The following SCRT2 variants were observed in gnomAD, a reference collection of about 807,000 sequenced individuals.
SCRT2 encodes transcriptional repressor scratch 2.
In SCRT2, 2 loss-of-function variants were observed where a neutral mutation model predicts 3.7. That is an observed-to-expected ratio of 0.54 (90% confidence interval 0.22 to 1.70). The LOEUF is 1.70. SCRT2 is among the 40% of genes most tolerant of loss of function. The probability of loss-of-function intolerance (pLI) is 0.19; values close to 1 mark genes in which losing one functional copy is unlikely to be tolerated. For synonymous variants in SCRT2, 256 were observed against 220.6 expected (o/e 1.16, Z -1.42); for missense variants, 456 against 468.5 (o/e 0.97, Z 0.25).
At chr20:668,215 T>A (rs1984218145) in intron 1 of SCRT2, among the ~76,000 whole-genome samples, 1 of 152,162 alleles carries the variant, frequency 6.6e-6, no homozygotes, top group African/African-American at 2.4e-5. Context: ...CCTTCTAATC[T>A]GCCAGAGAGT....
intron 1 of SCRT2, among the ~76,000 whole-genome samples, chr20:668,555 C>T (rs1291158635): frequency 6.6e-6 from 1 of 152,030 alleles, no homozygotes; most frequent in Non-Finnish European, 1.5e-5. Flanking sequence ...TTGGGTAAGT[C>T]GCATAACTTA....
In SCRT2 at chr20:675,368, T is replaced by G; in HGVS notation, c.133+101A>C. ...GGCCAGAGAGATCTCCTCCCGGGGG[T>G]TTCCTGTCGCACGCGCCCCTCCTCG... is the stretch of plus-strand genomic sequence containing the variant. On this transcript the variant is annotated intron_variant, in intron 1 of 1. Transcript: ENST00000246104. This position sits in a 1 kb window ranked among gnomAD's most constrained non-coding sequence, Gnocchi z 6.9. 1 of 1,023,936 alleles carries G rather than the reference T, an allele frequency of 9.8e-7. No individual in the cohort carries two copies. Among genetic ancestry groups the G allele is most frequent in the Non-Finnish European group, 1.3e-6 (1 of 791,414 alleles). The allele number at this position is 1,023,936 out of a possible 1,614,324, so 63.4% of individuals were successfully genotyped here.
rs1984150488 is a variant in SCRT2 at position 666,212 on chromosome 20, T to C, written c.134-1751A>G. Reference sequence around the variant, plus strand: ...TAGTGATAGTGGCAATTTTTTAATCTGGGGAGAGGAGATGCCCAGCCTCTC... The same window carrying C: ...TAGTGATAGTGGCAATTTTTTAATCCGGGGAGAGGAGATGCCCAGCCTCTC... On this transcript the variant is annotated intron_variant, in intron 1 of 1. Coordinates refer to ENST00000246104, the MANE Select transcript of SCRT2 (RefSeq NM_033129.4). This position sits in a 1 kb window ranked among gnomAD's most constrained non-coding sequence, Gnocchi z 4.4. Among the ~76,000 whole-genome samples, 1 of 152,080 alleles carries C rather than the reference T, an allele frequency of 6.6e-6. No individual in the cohort carries two copies. The highest frequency in any genetic ancestry group is 6.5e-5 in the Admixed American group (1 of 15,282).
At chr20:670,101 GC>G (rs1036024063) in intron 1 of SCRT2, among the ~76,000 whole-genome samples, 46 of 152,342 alleles carry the variant, frequency 3.0e-4, no homozygotes, top group Admixed American at 7.8e-4. Flanking sequence ...AATTCCTGTG[GC>G]CTACAGGGAG....
rs1984121842 is a variant in SCRT2 at position 665,292 on chromosome 20, A to G, written c.134-831T>C. Among the ~76,000 whole-genome samples the G allele has an allele frequency of 6.6e-6, 1 of 152,212 alleles. No individual in the cohort carries two copies. On this transcript the variant is annotated intron_variant, in intron 1 of 1. Transcript: ENST00000246104. This position sits in a 1 kb window ranked among gnomAD's most constrained non-coding sequence, Gnocchi z 5.0. ...CTGGCTCAAAGTAGGTGTGCGATGA[A>G]TAGATGTTGCATGAAGGAATCACAA... is the stretch of plus-strand genomic sequence containing the variant.
In SCRT2 at chr20:663,010, G is replaced by GGT. The variant is rs377620377; in HGVS notation, c.*659_*660dup. ...ACTGTGTGTGGGAGTGGGGTGTGGG[G>GGT]GTGTGTGTGTGTGTGAATGGCCAGA... On this transcript the variant is annotated 3_prime_UTR_variant, in exon 2 of 2. Coordinates refer to ENST00000246104, the MANE Select transcript of SCRT2 (RefSeq NM_033129.4). This position sits in a 1 kb window ranked among gnomAD's most constrained non-coding sequence, Gnocchi z 6.9. 4.4e-4 allele frequency: 67 copies of GGT among 151,584 alleles called. No homozygotes were observed. Among genetic ancestry groups the GGT allele is most frequent in the Non-Finnish European group, 4.6e-4 (31 of 67,930 alleles). The allele number at this position is 151,584 out of a possible 1,614,324, so 9.4% of individuals were successfully genotyped here. A position where few individuals can be genotyped will look rare whatever the true frequency, so the allele number is the denominator to read the frequency against.
Position 675,564 on chromosome 20 carries a change from TC to T in SCRT2, c.37del (p.Asp13ThrfsTer90). 1 of 1,358,032 alleles carries T rather than the reference TC, an allele frequency of 7.4e-7. No individual in the cohort carries two copies. The highest frequency in any genetic ancestry group is 9.5e-7 in the Non-Finnish European group (1 of 1,049,966). The allele number at this position is 1,358,032 out of a possible 1,614,324, so 84.1% of individuals were successfully genotyped here. A position where few individuals can be genotyped will look rare whatever the true frequency, so the allele number is the denominator to read the frequency against. On this transcript the variant is annotated frameshift_variant, in exon 1 of 2. Transcript: ENST00000246104. LOFTEE classifies it high-confidence loss of function. The surrounding 1 kb of genome is among the most constrained non-coding windows in gnomAD (Gnocchi z 6.9). The stretch of plus-strand genomic sequence containing the variant: ...CGGCACCCCGCTGCACTGGAAGCCG[TC>T]CCCTTTGATCTTCTTTACCAGGAAG... ...RSFLVKKIKG[D>X]GFQCSGVPAP...
rs1479298483 is a variant in SCRT2 at position 664,451 on chromosome 20, C to A, written c.144G>T (p.Pro48=). ...RGPPGDNGYA[P]HRLPPSSYDA... ...CGTAGCTGCTCGGGGGCAGGCGGTG[C>A]GGGGCGTACCCTGGAGGGGGCGAGA... Residue 48 remains proline, a synonymous_variant, in exon 2 of 2, where the codon CCG becomes CCT. Transcript: ENST00000246104. This position sits in a 1 kb window ranked among gnomAD's most constrained non-coding sequence, Gnocchi z 7.9. The A allele has an allele frequency of 3.2e-6, 4 of 1,269,092 alleles. No individual in the cohort carries two copies. The Admixed American group carries it at 1.1e-4, about 35-fold the overall frequency. The allele number at this position is 1,269,092 out of a possible 1,614,324, so 78.6% of individuals were successfully genotyped here.
At position 665,407 on chromosome 20, in the gene SCRT2, C is replaced by G. The variant is rs997701402; in HGVS notation, c.134-946G>C. ...ATAGGTGCTACAGAAAGGGGACTTC[C>G]TCGCACCTGCTCCCAAGCCTGCTCT... On this transcript the variant is annotated intron_variant, in intron 1 of 1. Coordinates refer to ENST00000246104, the MANE Select transcript of SCRT2 (RefSeq NM_033129.4). The surrounding 1 kb of genome is among the most constrained non-coding windows in gnomAD (Gnocchi z 5.0). Among the ~76,000 whole-genome samples the G allele has an allele frequency of 1.3e-5, 2 of 152,184 alleles. No individual in the cohort carries two copies. Among genetic ancestry groups the G allele is most frequent in the African/African-American group, 2.4e-5 (1 of 41,446 alleles).
At chr20:673,559 G>A (rs748909771) in intron 1 of SCRT2, among the ~76,000 whole-genome samples, 7 of 152,204 alleles carry the variant, frequency 4.6e-5, no homozygotes, top group Non-Finnish European at 7.3e-5. Context: ...CCATGGGGAA[G>A]GGGACAAAGA....
At chr20:670,335 G>A (rs543223110) in intron 1 of SCRT2, among the ~76,000 whole-genome samples, 7 of 152,074 alleles carry the variant, frequency 4.6e-5, no homozygotes, top group Non-Finnish European at 8.8e-5. Flanking sequence ...CTGCTCTGCC[G>A]CCTCTCTCTC....
rs2122345045 is a variant in SCRT2 at position 665,804 on chromosome 20, C to T, written c.134-1343G>A. ...TTCCCACCTGGGGAGTGGGATTTGA[C>T]CTTCTCCTGGTGACCCCTGAGACCT... On this transcript the variant is annotated intron_variant, in intron 1 of 1. Coordinates refer to ENST00000246104, the MANE Select transcript of SCRT2 (RefSeq NM_033129.4). This position sits in a 1 kb window ranked among gnomAD's most constrained non-coding sequence, Gnocchi z 5.0. 6.6e-6 allele frequency among the ~76,000 whole-genome samples: 1 copy of T among 152,308 alleles called. No individual in the cohort carries two copies. The highest frequency in any genetic ancestry group is 1.9e-4 in the East Asian group (1 of 5,178).
chr20:672,800 T>A (rs115204446), intron 1 of SCRT2, among the ~76,000 whole-genome samples: 2 of 140,032 alleles, frequency 1.4e-5, no homozygotes, highest in South Asian at 5.2e-4. Context: ...CCCTCCTCTC[T>A]TTCTCCTTGT....
In SCRT2 at chr20:664,170, GCGCGCCCCC is replaced by G; in HGVS notation, c.416_424del (p.Gly139_Arg141del). On this transcript the variant is annotated inframe_deletion, in exon 2 of 2. Coordinates refer to ENST00000246104, the MANE Select transcript of SCRT2 (RefSeq NM_033129.4). This position sits in a 1 kb window ranked among gnomAD's most constrained non-coding sequence, Gnocchi z 7.9. ...GCCCGCCTGCGCCCCCGCGCGCCCC[GCGCGCCCCC>G]CGGCGCCCCCCGCGTCTCCCGAGCC... 1 of 1,084,978 alleles carries G rather than the reference GCGCGCCCCC, an allele frequency of 9.2e-7. No homozygotes were observed. The highest frequency in any genetic ancestry group is 1.1e-6 in the Non-Finnish European group (1 of 895,120). 67.2% of individuals were successfully genotyped at this position (1,084,978 alleles called of 1,614,324 possible).
chr20:670,334 C>T (rs13042302), intron 1 of SCRT2, among the ~76,000 whole-genome samples: 27,073 of 152,082 alleles, frequency 0.18, 2,954 homozygotes, highest in Non-Finnish European at 0.25. Context: ...TCTGCTCTGC[C>T]GCCTCTCTCT....
At chr20:674,252 C>T (rs974659736) in intron 1 of SCRT2, among the ~76,000 whole-genome samples, 1 of 151,910 alleles carries the variant, frequency 6.6e-6, no homozygotes, top group Non-Finnish European at 1.5e-5. Flanking sequence ...CTTGGAAATC[C>T]CAGAGGTGGA....
chr20:671,595 C>A (rs6053818), intron 1 of SCRT2, among the ~76,000 whole-genome samples: 4 of 152,014 alleles, frequency 2.6e-5, no homozygotes, highest in African/African-American at 9.7e-5. Flanking sequence ...GACATTGGGC[C>A]GGGCTCCCGG....
chr20:675,665 C>T lies in SCRT2; in HGVS notation c.-64G>A. On this transcript the variant is annotated 5_prime_UTR_variant, in exon 1 of 2. Transcript: ENST00000246104. The surrounding 1 kb of genome is among the most constrained non-coding windows in gnomAD (Gnocchi z 6.9). ...GGCCGGGCGCGATCGGCTGTGTCCGCGCGGGTTTTCAGCACTGGACAGCTC... is the reference window on the plus strand; with the variant it reads ...GGCCGGGCGCGATCGGCTGTGTCCGTGCGGGTTTTCAGCACTGGACAGCTC... The T allele has an allele frequency of 8.4e-7, 1 of 1,190,102 alleles. No homozygotes were observed. 73.7% of individuals were successfully genotyped at this position (1,190,102 alleles called of 1,614,324 possible). A position where few individuals can be genotyped will look rare whatever the true frequency, so the allele number is the denominator to read the frequency against.
chr20:664,578 T>A lies in SCRT2; in HGVS notation c.134-117A>T. On this transcript the variant is annotated intron_variant, in intron 1 of 1. Transcript: ENST00000246104. The surrounding 1 kb of genome is among the most constrained non-coding windows in gnomAD (Gnocchi z 7.9). ...GGCGCCCCTGTGGCAGCTCCGACAGTGGTGGTCTCCGACCTGCACCTCAGC... is the reference window on the plus strand; with the variant it reads ...GGCGCCCCTGTGGCAGCTCCGACAGAGGTGGTCTCCGACCTGCACCTCAGC... The A allele has an allele frequency of 1.5e-6, 1 of 682,892 alleles. No individual in the cohort carries two copies. The highest frequency in any genetic ancestry group is 2.1e-6 in the Non-Finnish European group (1 of 485,084). 42.3% of individuals were successfully genotyped at this position (682,892 alleles called of 1,614,324 possible).
Sources: gnomAD v4.1 joint callset for allele counts (sites outside exome capture counted in the v4.1 genomes callset) on GRCh38, gnomAD v4.1.1 for gene constraint, Gnocchi (gnomAD v3.1) non-coding constraint, MANE v1.5 for transcripts, NCBI Gene and HGNC (gene_info 2026-07-23, HGNC 2026-07-21) for gene names.